The following CACNA2D3 variants were observed in gnomAD, a reference collection of about 807,000 sequenced individuals.
CACNA2D3 encodes the protein calcium voltage-gated channel auxiliary subunit alpha2delta 3.
A neutral mutation model predicts 160.6 loss-of-function variants in CACNA2D3; 60 were observed. That is an observed-to-expected ratio of 0.37 (90% CI 0.30 to 0.46). The LOEUF (loss-of-function observed/expected upper bound fraction) is 0.46. Among genes scored for constraint, CACNA2D3 ranks in the 20% least tolerant of loss-of-function variants. The pLI, the probability that CACNA2D3 is intolerant of heterozygous loss-of-function variation, is 1.00. For missense variants in CACNA2D3, 1,205 were observed against 1,365.0 expected (o/e 0.88, Z 1.85); for synonymous variants, 558 against 492.9 (o/e 1.13, Z -1.75).
chr3:54,822,783 TTTCTTTCC>T lies in CACNA2D3; in HGVS notation c.1398+5916_1398+5923del, dbSNP rs1235864689. On this transcript the variant is annotated intron_variant, in intron 14 of 37. Coordinates refer to ENST00000474759, the MANE Select transcript of CACNA2D3 (RefSeq NM_018398.3). ...CTTTCTTTCTTTCTTTCTTTCTTTC[TTTCTTTCC>T]TTTCTTTCTTTCTTTCTTTCTTTCT... 4.7e-3 allele frequency among the ~76,000 whole-genome samples: 387 copies of T among 82,402 alleles called. 8 individuals are homozygous for T. The highest frequency in any genetic ancestry group is 0.012 in the African/African-American group (262 of 21,460). 54.1% of individuals were successfully genotyped at this position (82,402 alleles called of 152,430 possible). A position where few individuals can be genotyped will look rare whatever the true frequency, so the allele number is the denominator to read the frequency against.
intron 31 of CACNA2D3, among the ~76,000 whole-genome samples, chr3:54,998,127 C>CTTTTT (rs752805359): frequency 3.9e-5 from 5 of 126,994 alleles, no homozygotes; most frequent in East Asian, 2.3e-4. Flanking sequence ...TCAATTAATT[C>CTTTTT]TTTTTTTTTT....
chr3:54,904,003 G>T (rs1468139702), intron 27 of CACNA2D3, among the ~76,000 whole-genome samples: 1 of 152,136 alleles, frequency 6.6e-6, no homozygotes, highest in Non-Finnish European at 1.5e-5. Context: ...CCCACAGAAT[G>T]GGTAATTTAT....
intron 9 of CACNA2D3, among the ~76,000 whole-genome samples, chr3:54,583,493 C>T (rs904564439): frequency 6.6e-6 from 1 of 152,122 alleles, no homozygotes; most frequent in African/African-American, 2.4e-5. Flanking sequence ...AGACATAACG[C>T]AACAAACAAG....
chr3:55,006,575 T>C (rs1475637296), intron 32 of CACNA2D3, among the ~76,000 whole-genome samples: 1 of 152,224 alleles, frequency 6.6e-6, no homozygotes, highest in East Asian at 1.9e-4. Flanking sequence ...CATCCTTATC[T>C]GACCCTAATC....
chr3:54,822,794 T>TCTTTCCTTTCTTTCTTA (rs1559595646), intron 14 of CACNA2D3, among the ~76,000 whole-genome samples: 1 of 63,266 alleles, frequency 1.6e-5, no homozygotes, highest in Admixed American at 1.8e-4. Flanking sequence ...TTCTTTCCTT[T>TCTTTCCTTTCTTTCTTA]CTTTCTTTCT....
intron 2 of CACNA2D3, among the ~76,000 whole-genome samples, chr3:54,246,118 G>A (rs374855799): frequency 2.6e-5 from 4 of 152,168 alleles, no homozygotes; most frequent in East Asian, 1.9e-4. Flanking sequence ...AGTGATTTTG[G>A]TTGTTTTGAA....
Position 55,020,849 on chromosome 3 carries a change from C to CAA in CACNA2D3, c.2987+2544_2987+2545dup, listed in dbSNP as rs759779848. 4.5e-3 allele frequency among the ~76,000 whole-genome samples: 603 copies of CAA among 134,358 alleles called. 5 individuals carry two copies. The highest frequency in any genetic ancestry group is 0.011 in the South Asian group (46 of 4,218). The allele number at this position is 134,358 out of a possible 152,430, so 88.1% of individuals were successfully genotyped here. A position where few individuals can be genotyped will look rare whatever the true frequency, so the allele number is the denominator to read the frequency against. ...CCGGCAACAGAGCTAGATTCCGTCTCAAAAAAAAAAAAAGTAATAATATAT... is the reference window on the plus strand; with the variant it reads ...CCGGCAACAGAGCTAGATTCCGTCTCAAAAAAAAAAAAAAAGTAATAATATAT... On this transcript the variant is annotated intron_variant, in intron 35 of 37. Transcript: ENST00000474759.
chr3:54,807,881 A>C (rs1575486831), intron 13 of CACNA2D3, among the ~76,000 whole-genome samples: 1 of 150,506 alleles, frequency 6.6e-6, no homozygotes, highest in Admixed American at 6.6e-5. Flanking sequence ...AGCCATAAAA[A>C]ATGATGAGTT....
chr3:54,465,372 A>G (rs564604037), intron 4 of CACNA2D3, among the ~76,000 whole-genome samples: 1 of 152,162 alleles, frequency 6.6e-6, no homozygotes, highest in African/African-American at 2.4e-5. Context: ...ACTTTATTAC[A>G]GTAATTGCTA....
chr3:54,206,459 C>G (rs1315133031), intron 2 of CACNA2D3, among the ~76,000 whole-genome samples: 1 of 152,168 alleles, frequency 6.6e-6, no homozygotes, highest in Non-Finnish European at 1.5e-5. Context: ...GGAGGAAGGT[C>G]TCATTACTAC....
intron 11 of CACNA2D3, among the ~76,000 whole-genome samples, chr3:54,705,226 C>T (rs534049367): frequency 3.0e-4 from 45 of 152,196 alleles, no homozygotes; most frequent in African/African-American, 1.0e-3. Flanking sequence ...ATTTTAAATC[C>T]TCACTTCCTT....
At position 54,265,695 on chromosome 3, in the gene CACNA2D3, G is replaced by A. The variant is rs13077342; in HGVS notation, c.205-54747G>A. Among the ~76,000 whole-genome samples, 35 of 143,078 alleles carry A rather than the reference G, an allele frequency of 2.4e-4. 2 individuals are homozygous for A. The South Asian group carries it at 8.0e-3, about 33-fold the overall frequency. The allele number at this position is 143,078 out of a possible 152,430, so 93.9% of individuals were successfully genotyped here. ...GTGTGTGTATATATATATAGTGTGG[G>A]TATATATAGTGTGTTTATATACGCA... is the stretch of plus-strand genomic sequence containing the variant. On this transcript the variant is annotated intron_variant, in intron 2 of 37. Coordinates refer to ENST00000474759, the MANE Select transcript of CACNA2D3 (RefSeq NM_018398.3).
chr3:54,468,011 T>A (rs1360521513), intron 4 of CACNA2D3, among the ~76,000 whole-genome samples: 1 of 152,158 alleles, frequency 6.6e-6, no homozygotes, highest in Non-Finnish European at 1.5e-5. Context: ...TTATGATGTG[T>A]CAATTGTACA....
chr3:54,139,789 G>C (rs1699886728), intron 2 of CACNA2D3, among the ~76,000 whole-genome samples: 1 of 152,222 alleles, frequency 6.6e-6, no homozygotes, highest in South Asian at 2.1e-4. Context: ...AACAAGTGTG[G>C]TGTGTTCACA....
At chr3:54,683,945 T>C (rs543291788) in intron 11 of CACNA2D3, among the ~76,000 whole-genome samples, 4 of 147,826 alleles carry the variant, frequency 2.7e-5, no homozygotes, top group Admixed American at 2.1e-4. Flanking sequence ...TCTGTGTGTC[T>C]GTGCCCAAAT....
chr3:54,334,920 C>G (rs1704341234), intron 3 of CACNA2D3, among the ~76,000 whole-genome samples: 2 of 152,148 alleles, frequency 1.3e-5, no homozygotes, highest in Non-Finnish European at 2.9e-5. Flanking sequence ...AATAATCTTG[C>G]CCGATTTACT....
At chr3:55,034,009 TAACTC>T (rs1703761115) in intron 35 of CACNA2D3, among the ~76,000 whole-genome samples, 2 of 150,156 alleles carry the variant, frequency 1.3e-5, no homozygotes, top group Non-Finnish European at 3.0e-5. Flanking sequence ...ATTGGCTACT[TAACTC>T]AAAGCAGAAA....
intron 2 of CACNA2D3, among the ~76,000 whole-genome samples, chr3:54,192,100 C>T (rs922757049): frequency 1.3e-5 from 2 of 150,556 alleles, no homozygotes; most frequent in Non-Finnish European, 2.9e-5. Context: ...ACCTGGGATG[C>T]AGTGCTTTTT....
At chr3:54,955,961 G>A (rs1271497519) in intron 27 of CACNA2D3, among the ~76,000 whole-genome samples, 1 of 152,176 alleles carries the variant, frequency 6.6e-6, no homozygotes, top group African/African-American at 2.4e-5. Flanking sequence ...CCACTCCAGG[G>A]CTGACTCCCA....
Sources: allele counts gnomAD v4.1 joint callset (sites outside exome capture counted in the v4.1 genomes callset), GRCh38; gene constraint gnomAD v4.1.1; transcripts MANE v1.5; gene names NCBI Gene and HGNC (gene_info 2026-07-23, HGNC 2026-07-21).